GRID2: variants seen among roughly 807,000 people sequenced by gnomAD.
GRID2 encodes glutamate ionotropic receptor delta type subunit 2.
In GRID2, 33 loss-of-function variants were observed where a neutral mutation model predicts 114.8. The ratio of observed to expected loss-of-function variants is 0.29; its 90% CI spans 0.22 to 0.38. The LOEUF (loss-of-function observed/expected upper bound fraction) is 0.38, where lower values mean the gene tolerates loss of function less well. GRID2 is among the 10% of genes least tolerant of loss of function. The probability of loss-of-function intolerance (pLI) is 1.00; values close to 1 mark genes in which losing one functional copy is unlikely to be tolerated. For synonymous variants in GRID2, 505 were observed against 449.9 expected (o/e 1.12, Z -1.55); for missense variants, 1,184 against 1,257.7 (o/e 0.94, Z 0.89).
intron 1 of GRID2, among the ~76,000 whole-genome samples, chr4:92,544,783 T>G (rs571185947): frequency 1.3e-5 from 2 of 152,308 alleles, no homozygotes; most frequent in African/African-American, 4.8e-5. Flanking sequence ...GAATAACACA[T>G]GCATAGTATT....
chr4:92,756,008 A>G (rs556314176), intron 2 of GRID2, among the ~76,000 whole-genome samples: 40 of 152,218 alleles, frequency 2.6e-4, no homozygotes, highest in African/African-American at 9.6e-4. Flanking sequence ...TGTACAGTAC[A>G]TTGTTATTAA....
chr4:92,547,828 G>A (rs765157681), intron 1 of GRID2, among the ~76,000 whole-genome samples: 1 of 152,150 alleles, frequency 6.6e-6, no homozygotes, highest in Non-Finnish European at 1.5e-5. Flanking sequence ...GCAACTGCAT[G>A]TTGAAATAAT....
intron 11 of GRID2, among the ~76,000 whole-genome samples, chr4:93,466,179 T>G (rs1404360282): frequency 6.6e-6 from 1 of 152,206 alleles, no homozygotes; most frequent in Non-Finnish European, 1.5e-5. Flanking sequence ...AACTAAGCAA[T>G]GTTCACAAAC....
At chr4:93,207,935 T>C (rs983727602) in intron 5 of GRID2, among the ~76,000 whole-genome samples, 3 of 152,032 alleles carry the variant, frequency 2.0e-5, no homozygotes, top group African/African-American at 7.2e-5. Flanking sequence ...TTCAAATCTT[T>C]AGACTTGTCA....
intron 2 of GRID2, among the ~76,000 whole-genome samples, chr4:92,953,841 A>G (rs1752198001): frequency 2.0e-5 from 3 of 152,102 alleles, no homozygotes; most frequent in African/African-American, 7.2e-5. Context: ...AATTTTTTAA[A>G]CAACTGAAAC....
chr4:92,804,268 A>T (rs1740308934), intron 2 of GRID2, among the ~76,000 whole-genome samples: 1 of 152,014 alleles, frequency 6.6e-6, no homozygotes, highest in Non-Finnish European at 1.5e-5. Flanking sequence ...CATATGGAAA[A>T]ATATTCTATT....
At chr4:93,180,206 C>T (rs944025127) in intron 4 of GRID2, among the ~76,000 whole-genome samples, 3 of 151,984 alleles carry the variant, frequency 2.0e-5, no homozygotes, top group African/African-American at 7.2e-5. Flanking sequence ...GGAGACATCA[C>T]ACGATGTCTC....
chr4:92,740,048 A>G (rs1028991096), intron 2 of GRID2, among the ~76,000 whole-genome samples: 1 of 152,154 alleles, frequency 6.6e-6, no homozygotes, highest in Non-Finnish European at 1.5e-5. Flanking sequence ...TATCAAATCC[A>G]TCTTCTTTCA....
At chr4:93,020,083 C>T (rs1173102822) in intron 2 of GRID2, among the ~76,000 whole-genome samples, 1 of 152,088 alleles carries the variant, frequency 6.6e-6, no homozygotes, top group Non-Finnish European at 1.5e-5. Context: ...ATGAAAATAG[C>T]ACTTACTTTG....
At chr4:93,631,216 C>CTTT (rs201119171) in intron 14 of GRID2, among the ~76,000 whole-genome samples, 1 of 149,856 alleles carries the variant, frequency 6.7e-6, no homozygotes, top group African/African-American at 2.5e-5. Flanking sequence ...TAGGGATTCT[C>CTTT]TTTTTTTTTT....
chr4:92,613,938 A>T (rs1199765516), intron 2 of GRID2, among the ~76,000 whole-genome samples: 1 of 151,440 alleles, frequency 6.6e-6, no homozygotes, highest in Admixed American at 6.6e-5. Flanking sequence ...CTGCATATTT[A>T]TGTGATACAT....
intron 12 of GRID2, among the ~76,000 whole-genome samples, chr4:93,501,691 G>A (rs997769137): frequency 6.6e-6 from 1 of 152,088 alleles, no homozygotes; most frequent in Non-Finnish European, 1.5e-5. Flanking sequence ...TTGTCTCACA[G>A]TTTGTGGCTC....
intron 8 of GRID2, among the ~76,000 whole-genome samples, chr4:93,391,026 G>A (rs1764805571): frequency 6.6e-6 from 1 of 152,058 alleles, no homozygotes; most frequent in South Asian, 2.1e-4. Flanking sequence ...TTCTCCTGAA[G>A]GAAGCTCAAG....
At chr4:93,334,462 A>G (rs1175412492) in intron 8 of GRID2, among the ~76,000 whole-genome samples, 1 of 152,196 alleles carries the variant, frequency 6.6e-6, no homozygotes, top group Non-Finnish European at 1.5e-5. Flanking sequence ...TATATGGATC[A>G]CTAAACTAGC....
intron 2 of GRID2, among the ~76,000 whole-genome samples, chr4:92,634,878 A>AG (rs1730994563): frequency 5.2e-5 from 7 of 135,106 alleles, no homozygotes; most frequent in African/African-American, 1.1e-4. Flanking sequence ...AGAGAGAGAG[A>AG]AAGAGAGAGA....
intron 8 of GRID2, among the ~76,000 whole-genome samples, chr4:93,366,490 A>T (rs1235987332): frequency 6.6e-6 from 1 of 152,094 alleles, no homozygotes; most frequent in African/African-American, 2.4e-5. Context: ...AGATGTTGTC[A>T]ATGACAATGG....
intron 2 of GRID2, among the ~76,000 whole-genome samples, chr4:92,620,076 T>A (rs993411932): frequency 6.6e-6 from 1 of 151,696 alleles, no homozygotes; most frequent in African/African-American, 2.4e-5. Flanking sequence ...TAACAGCCAA[T>A]AGTGTGGTTA....
At chr4:92,674,629 T>G (rs1733246993) in intron 2 of GRID2, among the ~76,000 whole-genome samples, 1 of 152,084 alleles carries the variant, frequency 6.6e-6, no homozygotes, top group African/African-American at 2.4e-5. Context: ...TTCAAGCAAT[T>G]CTCTGCCTCA....
intron 14 of GRID2, among the ~76,000 whole-genome samples, chr4:93,700,857 A>C (rs1474104137): frequency 6.6e-6 from 1 of 152,084 alleles, no homozygotes; most frequent in East Asian, 1.9e-4. Flanking sequence ...AATCTGTTTT[A>C]TCTTTGAACA....
Sources: gnomAD v4.1 joint callset for allele counts (sites outside exome capture counted in the v4.1 genomes callset) on GRCh38, gnomAD v4.1.1 for gene constraint, MANE v1.5 for transcripts, NCBI Gene and HGNC (gene_info 2026-07-23, HGNC 2026-07-21) for gene names.